The following HSF5 variants were observed in gnomAD, a reference collection of about 807,000 sequenced individuals.
HSF5 encodes heat shock transcription factor 5.
In HSF5, 5 loss-of-function variants were observed where a neutral mutation model predicts 50.8. That is an observed-to-expected ratio of 0.10 (90% CI 0.05 to 0.21). The LOEUF (loss-of-function observed/expected upper bound fraction) is 0.21, where lower values mean the gene tolerates loss of function less well. Among genes scored for constraint, HSF5 ranks in the 10% least tolerant of loss-of-function variants. HSF5 has a pLI of 1.00. For missense variants in HSF5, 564 were observed against 762.6 expected, an observed-to-expected ratio of 0.74 and a Z score of 3.07; for synonymous variants, 307 against 307.4, an observed-to-expected ratio of 1.00 and a Z score of 0.02.
chr17:58,486,154 A>T (rs556410504), intron 1 of HSF5, among the ~76,000 whole-genome samples: 53 of 152,312 alleles, frequency 3.5e-4, no homozygotes, highest in African/African-American at 1.2e-3. Flanking sequence ...ACCTGAGGTC[A>T]GGAGTTCGAG....
chr17:58,474,928 A>G (rs972342686), intron 2 of HSF5, among the ~76,000 whole-genome samples: 3 of 152,248 alleles, frequency 2.0e-5, no homozygotes, highest in African/African-American at 7.2e-5. Context: ...TCAAAGAAGT[A>G]GCTGGGCAAA....
chr17:58,457,562 C>A (rs1191770070), intron 5 of HSF5, among the ~76,000 whole-genome samples: 2 of 152,092 alleles, frequency 1.3e-5, no homozygotes, highest in Non-Finnish European at 2.9e-5. Flanking sequence ...TGCGCCACTG[C>A]ATTCTAGCCC....
At position 58,479,296 on chromosome 17, in the gene HSF5, T is replaced by C. The variant is rs1015129953; in HGVS notation, c.925+597A>G. On this transcript the variant is annotated intron_variant, in intron 2 of 5. Coordinates refer to ENST00000323777, the MANE Select transcript of HSF5 (RefSeq NM_001080439.3). ...ACAGAGTTAAAATAAGGTTCTGGGG[T>C]ACTAAGGTTTTTTGCTTTTTGTTTT... is the stretch of plus-strand genomic sequence containing the variant. Among the ~76,000 whole-genome samples the C allele has an allele frequency of 3.9e-5, 6 of 151,950 alleles. No homozygotes were observed. In the South Asian group the frequency reaches 1.2e-3, roughly 32 times the overall value.
intron 3 of HSF5, among the ~76,000 whole-genome samples, chr17:58,465,224 G>A (rs1379566223): frequency 5.4e-5 from 6 of 111,904 alleles, no homozygotes; most frequent in Admixed American, 1.2e-4. Context: ...CACTCACTAT[G>A]TTACCCAGGC....
intron 5 of HSF5, among the ~76,000 whole-genome samples, chr17:58,455,363 C>T (rs546420333): frequency 4.2e-4 from 64 of 152,176 alleles, no homozygotes; most frequent in Non-Finnish European, 8.1e-4. Context: ...AGATTCAAAA[C>T]TATGAAACTA....
chr17:58,433,911 A>ATTTTTTT lies in HSF5; in HGVS notation c.1721-11488_1721-11482dup, dbSNP rs59043902. Among the ~76,000 whole-genome samples, 127 of 109,330 alleles carry ATTTTTTT rather than the reference A, an allele frequency of 1.2e-3. 21 individuals carry two copies. Among genetic ancestry groups the ATTTTTTT allele is most frequent in the African/African-American group, 1.8e-3 (51 of 27,784 alleles). 71.7% of individuals were successfully genotyped at this position (109,330 alleles called of 152,430 possible). A position where few individuals can be genotyped will look rare whatever the true frequency, so the allele number is the denominator to read the frequency against. ...GAGGTATGAAGGAAAGGTCAAAGGG[A>ATTTTTTT]TTTTTTTTTTTTTTTTTTTTAGATG... is the stretch of plus-strand genomic sequence containing the variant. On this transcript the variant is annotated intron_variant, in intron 5 of 5. Coordinates refer to ENST00000323777, the MANE Select transcript of HSF5 (RefSeq NM_001080439.3).
At chr17:58,483,499 T>C (rs114903983) in intron 1 of HSF5, among the ~76,000 whole-genome samples, 2,351 of 152,322 alleles carry the variant, frequency 0.015, 78 homozygotes, top group African/African-American at 0.054. Context: ...TTGGCAAAGT[T>C]TGAATCCAGA....
At chr17:58,461,119 CAGA>C (rs1200821321) in intron 4 of HSF5, among the ~76,000 whole-genome samples, 8 of 151,706 alleles carry the variant, frequency 5.3e-5, no homozygotes, top group African/African-American at 1.7e-4. Context: ...GAGGCTGAGG[CAGA>C]AGGATTCCTT....
Position 58,488,161 on chromosome 17 carries a change from C to A in HSF5, c.114G>T (p.Gly38=). The A allele has an allele frequency of 6.5e-7, 1 of 1,534,338 alleles. No homozygotes were observed. Among genetic ancestry groups the A allele is most frequent in the Non-Finnish European group, 8.7e-7 (1 of 1,153,746 alleles). ...CGAAGAGCGGCTGATCGATAAGCAG[C>A]CCCTCGCCGCGGCCGTCCCAGCGGA... ...RSIRWDGRGE[G]LLIDQPLFEA... Residue 38 remains glycine (G), a synonymous_variant, in exon 1 of 6, where the codon GGG becomes GGT. Coordinates refer to ENST00000323777, the MANE Select transcript of HSF5 (RefSeq NM_001080439.3). This position sits in a 1 kb window ranked among gnomAD's most constrained non-coding sequence, Gnocchi z 4.1.
At chr17:58,482,592 C>T (rs1437089133) in intron 1 of HSF5, among the ~76,000 whole-genome samples, 1 of 150,970 alleles carries the variant, frequency 6.6e-6, no homozygotes, top group Non-Finnish European at 1.5e-5. Context: ...ACCTTGTAGT[C>T]CTAGCTACTC....
At chr17:58,437,275 T>C (rs2143740958) in intron 5 of HSF5, among the ~76,000 whole-genome samples, 1 of 152,310 alleles carries the variant, frequency 6.6e-6, no homozygotes, top group South Asian at 2.1e-4. Flanking sequence ...AAGTTTATCT[T>C]GAGTCAATCA....
rs182356332 is a variant in HSF5 at position 58,474,905 on chromosome 17, A to G, written c.925+4988T>C. Among the ~76,000 whole-genome samples the G allele has an allele frequency of 3.6e-4, 55 of 152,312 alleles. 1 individual carries two copies. Among genetic ancestry groups the G allele is most frequent in the African/African-American group, 1.2e-3 (51 of 41,582 alleles). ...CATCTTGTTTTCAAAGATTGTGCAT[A>G]TATTTTGGTTCTTCAAAGAAGTAGC... On this transcript the variant is annotated intron_variant, in intron 2 of 5. Transcript: ENST00000323777.
Position 58,420,838 on chromosome 17 carries a change from C to G in HSF5, c.*1522G>C, listed in dbSNP as rs770332686. The G allele has an allele frequency of 1.3e-5, 2 of 152,226 alleles. No individual in the cohort carries two copies. The highest frequency in any genetic ancestry group is 2.4e-5 in the African/African-American group (1 of 41,452). 9.4% of individuals were successfully genotyped at this position (152,226 alleles called of 1,614,324 possible). A position where few individuals can be genotyped will look rare whatever the true frequency, so the allele number is the denominator to read the frequency against. ...ATATCTAAACAGAGTCACTGCAGAT[C>G]AATACAGAGCTCACCCTTTTCCAGA... On this transcript the variant is annotated 3_prime_UTR_variant, in exon 6 of 6. Coordinates refer to ENST00000323777, the MANE Select transcript of HSF5 (RefSeq NM_001080439.3).
At chr17:58,447,469 T>G (rs939269724) in intron 5 of HSF5, among the ~76,000 whole-genome samples, 1 of 152,210 alleles carries the variant, frequency 6.6e-6, no homozygotes. Flanking sequence ...TAGCACCGGC[T>G]GCCACAGCCA....
chr17:58,479,903 G>A lies in HSF5; in HGVS notation c.915C>T (p.Tyr305=). The change falls in exon 2 of 6, where the codon TAC becomes TAT. Residue 305 remains tyrosine, a synonymous_variant. Coordinates refer to ENST00000323777, the MANE Select transcript of HSF5 (RefSeq NM_001080439.3). ...CTGAATTTGTCATACCTGTTGGATAGTAGGCTTGCGAGTACTGTGCTGAGG... is the reference window on the plus strand; with the variant it reads ...CTGAATTTGTCATACCTGTTGGATAATAGGCTTGCGAGTACTGTGCTGAGG... ...YTPSAQYSQA[Y]YPTAVLQCCS... The A allele has an allele frequency of 6.2e-7, 1 of 1,611,468 alleles. No homozygotes were observed. The highest frequency in any genetic ancestry group is 8.5e-7 in the Non-Finnish European group (1 of 1,178,950).
intron 5 of HSF5, 41 bp downstream of exon 5, chr17:58,458,727 G>T: frequency 2.0e-6 from 3 of 1,510,094 alleles, no homozygotes; most frequent in Non-Finnish European, 2.7e-6. Flanking sequence ...ATTCTACAGC[G>T]TGATTCTACT....
intron 2 of HSF5, chr17:58,476,880 C>A: frequency 7.9e-7 from 1 of 1,262,318 alleles, no homozygotes. Flanking sequence ...TTTTTTTTTC[C>A]TGAGGTCTCG....
At chr17:58,445,582 C>T (rs1230700893) in intron 5 of HSF5, among the ~76,000 whole-genome samples, 1 of 152,160 alleles carries the variant, frequency 6.6e-6, no homozygotes, top group Non-Finnish European at 1.5e-5. Flanking sequence ...AATCCTGTCA[C>T]GTGCTACAAC....
intron 3 of HSF5, among the ~76,000 whole-genome samples, chr17:58,464,606 T>C (rs1196303935): frequency 1.3e-5 from 2 of 152,214 alleles, no homozygotes; most frequent in African/African-American, 4.8e-5. Context: ...TATTTTCCTA[T>C]GATGAACACG....
Sources: gnomAD v4.1 joint callset for allele counts (sites outside exome capture counted in the v4.1 genomes callset) on GRCh38, gnomAD v4.1.1 for gene constraint, Gnocchi (gnomAD v3.1) non-coding constraint, MANE v1.5 for transcripts, NCBI Gene and HGNC (gene_info 2026-07-23, HGNC 2026-07-21) for gene names.